The following TENM3 variants were observed in gnomAD, a reference collection of about 807,000 sequenced individuals.
TENM3 encodes the protein teneurin-3.
TENM3 carries 63 observed loss-of-function variants against 255.1 expected under a neutral mutation model. That is an observed-to-expected ratio of 0.25 (90% CI 0.20 to 0.30). TENM3 has a LOEUF of 0.30. TENM3 is among the 10% of genes least tolerant of loss of function. The pLI is 1.00. For missense variants in TENM3, 2,929 were observed against 3,461.1 expected, an observed-to-expected ratio of 0.85 and a Z score of 3.86; for synonymous variants, 1,306 against 1,322.3, an observed-to-expected ratio of 0.99 and a Z score of 0.27.
At chr4:181,760,618 C>A in the TENM3 span, among the ~76,000 whole-genome samples, 1 of 152,136 alleles carries the variant, frequency 6.6e-6, no homozygotes, top group South Asian at 2.1e-4. Flanking sequence ...CATTTTAGAG[C>A]TTCAAGGGAG....
chr4:182,616,852 G>A (rs372073136), intron 4 of TENM3, among the ~76,000 whole-genome samples: 5 of 152,274 alleles, frequency 3.3e-5, no homozygotes, highest in African/African-American at 1.2e-4. Context: ...CAGGAACCCA[G>A]CCTTGAGTAA....
the TENM3 span, among the ~76,000 whole-genome samples, chr4:181,841,473 G>T: frequency 4.6e-5 from 7 of 151,996 alleles, no homozygotes; most frequent in Non-Finnish European, 1.0e-4. Context: ...AATAAATAAT[G>T]CTCTTTGTTC....
intron 1 of TENM3, among the ~76,000 whole-genome samples, chr4:182,218,790 A>G (rs562213161): frequency 6.6e-6 from 1 of 152,382 alleles, no homozygotes; most frequent in East Asian, 1.9e-4. Context: ...AATGTATAAG[A>G]AGAAAAAGAA....
At chr4:182,028,302 A>G in the TENM3 span, among the ~76,000 whole-genome samples, 17 of 152,134 alleles carry the variant, frequency 1.1e-4, no homozygotes, top group African/African-American at 4.1e-4. Context: ...TTTCTGTGAA[A>G]TCAGTTGTAA....
At chr4:182,449,056 G>A (rs1477567107) in intron 3 of TENM3, 2 of 358,546 alleles carry the variant, frequency 5.6e-6, no homozygotes, top group East Asian at 3.1e-4. Flanking sequence ...GGTTCCTCAC[G>A]GCCACAGCGA....
chr4:181,793,647 C>T, the TENM3 span, among the ~76,000 whole-genome samples: 1 of 152,042 alleles, frequency 6.6e-6, no homozygotes, highest in Admixed American at 6.6e-5. Flanking sequence ...TTTCCAATTC[C>T]AAGATGAAAA....
chr4:182,659,063 T>C (rs1036465901), intron 6 of TENM3, among the ~76,000 whole-genome samples: 1 of 152,220 alleles, frequency 6.6e-6, no homozygotes, highest in Admixed American at 6.5e-5. Flanking sequence ...TCAGCCAAGA[T>C]TCCTGGGGAG....
At chr4:182,557,952 T>C (rs1316402269) in intron 3 of TENM3, among the ~76,000 whole-genome samples, 1 of 152,240 alleles carries the variant, frequency 6.6e-6, no homozygotes, top group Non-Finnish European at 1.5e-5. Flanking sequence ...CCTAGTTTAC[T>C]TCCCGCTTGA....
At chr4:181,549,440 G>A in the TENM3 span, among the ~76,000 whole-genome samples, 5 of 152,158 alleles carry the variant, frequency 3.3e-5, no homozygotes, top group East Asian at 7.7e-4. Flanking sequence ...TTCTGGTGGG[G>A]CTTACCAGTA....
chr4:182,083,059 A>G, the TENM3 span, among the ~76,000 whole-genome samples: 1 of 152,220 alleles, frequency 6.6e-6, no homozygotes, highest in African/African-American at 2.4e-5. Flanking sequence ...AATGTCCCCA[A>G]CAAATGGTAA....
In TENM3 at chr4:182,799,190, T is replaced by C. The variant is rs985510745; in HGVS notation, c.7345-406T>C. Among the ~76,000 whole-genome samples the C allele has an allele frequency of 1.3e-5, 2 of 152,184 alleles. No individual in the cohort carries two copies. The highest frequency in any genetic ancestry group is 2.9e-5 in the Non-Finnish European group (2 of 68,026). On this transcript the variant is annotated intron_variant, in intron 27 of 27. Transcript: ENST00000511685. The surrounding 1 kb of genome is among the most constrained non-coding windows in gnomAD (Gnocchi z 4.2). The stretch of plus-strand genomic sequence containing the variant: ...CACTAAGTATCCCCAGCCGTTCAGA[T>C]CCCTCTCTGTGTTTGGTGGCTTCTC...
At chr4:182,053,922 T>C in the TENM3 span, among the ~76,000 whole-genome samples, 1 of 152,216 alleles carries the variant, frequency 6.6e-6, no homozygotes, top group East Asian at 1.9e-4. Context: ...CAAAAGATCG[T>C]AGCTTTGACA....
intron 1 of TENM3, among the ~76,000 whole-genome samples, chr4:182,238,162 C>T (rs921645411): frequency 2.0e-5 from 3 of 152,114 alleles, no homozygotes; most frequent in Non-Finnish European, 2.9e-5. Flanking sequence ...CCTTCCCTTC[C>T]TCGTGTCTTG....
intron 1 of TENM3, among the ~76,000 whole-genome samples, chr4:182,291,780 G>A (rs555948256): frequency 1.0e-3 from 154 of 152,212 alleles, no homozygotes; most frequent in African/African-American, 3.6e-3. Context: ...AGCAGAGCAC[G>A]GGCTGCAGAG....
the TENM3 span, among the ~76,000 whole-genome samples, chr4:181,743,535 G>A: frequency 1.3e-5 from 2 of 152,082 alleles, no homozygotes; most frequent in Non-Finnish European, 2.9e-5. Context: ...AGATACCTGG[G>A]GAAATCATTC....
chr4:182,402,488 C>A (rs527298375), intron 3 of TENM3, among the ~76,000 whole-genome samples: 5 of 152,096 alleles, frequency 3.3e-5, no homozygotes, highest in Admixed American at 1.3e-4. Flanking sequence ...TCTGGGCCAA[C>A]GTAGACGTAG....
intron 3 of TENM3, among the ~76,000 whole-genome samples, chr4:182,452,952 T>G (rs1443546151): frequency 6.6e-6 from 1 of 152,208 alleles, no homozygotes; most frequent in Admixed American, 6.5e-5. Context: ...ATACCTTGTC[T>G]TCTGATATGT....
At chr4:181,485,623 A>G in the TENM3 span, among the ~76,000 whole-genome samples, 2 of 152,200 alleles carry the variant, frequency 1.3e-5, no homozygotes, top group East Asian at 3.8e-4. Flanking sequence ...TAACTGTTAA[A>G]TCATTCTAGG....
chr4:182,797,170 G>T (rs58898498), intron 27 of TENM3, among the ~76,000 whole-genome samples: 4,297 of 152,168 alleles, frequency 0.028, 188 homozygotes, highest in African/African-American at 0.095. Context: ...CCGAGTGAGG[G>T]GGCTCACGCC....
Sources: allele counts gnomAD v4.1 joint callset (sites outside exome capture counted in the v4.1 genomes callset), GRCh38; gene constraint gnomAD v4.1.1; non-coding constraint Gnocchi (gnomAD v3.1); transcripts MANE v1.5; gene names NCBI Gene and HGNC (gene_info 2026-07-23, HGNC 2026-07-21).